PRPF6: variants seen among roughly 807,000 people sequenced by gnomAD.
The protein encoded by PRPF6 is pre-mRNA-processing factor 6.
Under a neutral mutation model 118.3 loss-of-function variants are expected in PRPF6, and 42 were observed. That is an observed-to-expected ratio of 0.35 (90% confidence interval 0.28 to 0.46). The LOEUF is 0.46. Among genes scored for constraint, PRPF6 ranks in the 20% least tolerant of loss-of-function variants. The pLI, the probability that PRPF6 is intolerant of heterozygous loss-of-function variation, is 1.00. For synonymous variants in PRPF6, 481 were observed against 485.1 expected, an observed-to-expected ratio of 0.99 and a Z score of 0.11; for missense variants, 662 against 1,255.7, an observed-to-expected ratio of 0.53 and a Z score of 7.15.
At chr20:64,008,787 G>A (rs996939061) in intron 9 of PRPF6, among the ~76,000 whole-genome samples, 1 of 152,154 alleles carries the variant, frequency 6.6e-6, no homozygotes, top group Non-Finnish European at 1.5e-5. Flanking sequence ...TTCTCCAAAG[G>A]TGACTAATGG....
chr20:64,011,248 AGTGTCCTCTCCTTTTTCTC>A lies in PRPF6; in HGVS notation c.1306-25_1306-7del, dbSNP rs2059215836. 1.2e-6 allele frequency: 2 copies of A among 1,601,414 alleles called. No individual in the cohort carries two copies. The highest frequency in any genetic ancestry group is 1.3e-5 in the African/African-American group (1 of 74,750). On this transcript the variant is annotated intron_variant, in intron 10 of 20. Transcript: ENST00000266079. The surrounding 1 kb of genome is among the most constrained non-coding windows in gnomAD (Gnocchi z 6.7). ...TGGCCTGCAGCTGTCCCCCCAGCACAGTGTCCTCTCCTTTTTCTCGTGTCCTCTCCGCGTAGCTCTGGCT... is the reference window on the plus strand; with the variant it reads ...TGGCCTGCAGCTGTCCCCCCAGCACAGTGTCCTCTCCGCGTAGCTCTGGCT...
chr20:63,993,175 C>T (rs565275051), intron 3 of PRPF6, among the ~76,000 whole-genome samples: 3 of 149,958 alleles, frequency 2.0e-5, no homozygotes, highest in South Asian at 2.1e-4. Flanking sequence ...GAGATTGCGC[C>T]ACTGCACTTT....
In PRPF6 at chr20:64,026,786, C is replaced by T. The variant is rs894731355; in HGVS notation, c.2029-196C>T. 1.3e-5 allele frequency among the ~76,000 whole-genome samples: 2 copies of T among 150,564 alleles called. No individual in the cohort carries two copies. The highest frequency in any genetic ancestry group is 2.9e-5 in the Non-Finnish European group (2 of 67,856). On this transcript the variant is annotated intron_variant, in intron 15 of 20. Coordinates refer to ENST00000266079, the MANE Select transcript of PRPF6 (RefSeq NM_012469.4). The surrounding 1 kb of genome is among the most constrained non-coding windows in gnomAD (Gnocchi z 4.4). ...CTGCACTCCAGCCTGGGTGACAGAG[C>T]GAGACTCTATCTCAAAAAAAAACAA...
chr20:63,988,319 CA>C lies in PRPF6; in HGVS notation c.359+3308del, dbSNP rs544577872. ...TGAGTGACGGGGCAAGACTCTGTCT[CA>C]AAAAAAAAAAAAACCAAAAAACAAA... On this transcript the variant is annotated intron_variant, in intron 3 of 20. Coordinates refer to ENST00000266079, the MANE Select transcript of PRPF6 (RefSeq NM_012469.4). Among the ~76,000 whole-genome samples the C allele has an allele frequency of 3.2e-3, 364 of 114,090 alleles. 10 individuals are homozygous for C. In the South Asian group the frequency reaches 0.066, roughly 21 times the overall value. The allele number at this position is 114,090 out of a possible 152,430, so 74.8% of individuals were successfully genotyped here.
At position 64,031,632 on chromosome 20, in the gene PRPF6, C is replaced by T. The variant is rs371604357; in HGVS notation, c.2547-286C>T. ...AGCTTGCAGTGAGTCGAGATCGCGC[C>T]ACTGCACTCCAGCCTGGGCGACAGA... On this transcript the variant is annotated intron_variant, in intron 19 of 20. Transcript: ENST00000266079. 3.1e-3 allele frequency among the ~76,000 whole-genome samples: 458 copies of T among 147,074 alleles called. 3 individuals carry two copies. Among genetic ancestry groups the T allele is most frequent in the African/African-American group, 0.011 (447 of 39,750 alleles).
chr20:64,026,225 G>A lies in PRPF6; in HGVS notation c.2028+167G>A, dbSNP rs544815820. 3.9e-5 allele frequency among the ~76,000 whole-genome samples: 6 copies of A among 152,220 alleles called. No individual in the cohort carries two copies. The highest frequency in any genetic ancestry group is 8.8e-5 in the Non-Finnish European group (6 of 67,928). The stretch of plus-strand genomic sequence containing the variant: ...AAACATTCATGTGGCCGGGCGTGGT[G>A]GCCGGGCGCGGTGGCTCACGCCTGT... On this transcript the variant is annotated intron_variant, in intron 15 of 20. Coordinates refer to ENST00000266079, the MANE Select transcript of PRPF6 (RefSeq NM_012469.4). This position sits in a 1 kb window ranked among gnomAD's most constrained non-coding sequence, Gnocchi z 4.4.
Position 63,999,549 on chromosome 20 carries a change from C to G in PRPF6, c.867-54C>G. 6.2e-6 allele frequency: 10 copies of G among 1,607,310 alleles called. No homozygotes were observed. The South Asian group carries it at 8.8e-5, about 14-fold the overall frequency. On this transcript the variant is annotated intron_variant, in intron 7 of 20. Coordinates refer to ENST00000266079, the MANE Select transcript of PRPF6 (RefSeq NM_012469.4). ...AAGTGGGTGCCCTCATCCCAGGTCT[C>G]GGGTGCACCCCTGACAGCATGGCCT...
chr20:64,020,440 G>T (rs932798507), intron 12 of PRPF6, among the ~76,000 whole-genome samples: 1 of 152,126 alleles, frequency 6.6e-6, no homozygotes, highest in African/African-American at 2.4e-5. Flanking sequence ...TTCAGCATCT[G>T]CAGGGCGCAG....
At chr20:63,988,760 T>C (rs1250252999) in intron 3 of PRPF6, among the ~76,000 whole-genome samples, 1 of 151,636 alleles carries the variant, frequency 6.6e-6, no homozygotes, top group African/African-American at 2.4e-5. Flanking sequence ...TCCCAGCTAC[T>C]TGGGAGGCTG....
At chr20:63,997,430 AC>A (rs2059145509) in intron 6 of PRPF6, among the ~76,000 whole-genome samples, 1 of 150,090 alleles carries the variant, frequency 6.7e-6, no homozygotes, top group Non-Finnish European at 1.5e-5. Context: ...AGCTGGGACT[AC>A]AGGTGTGCAC....
At chr20:63,990,524 G>A (rs1005685824) in intron 3 of PRPF6, among the ~76,000 whole-genome samples, 3 of 149,702 alleles carry the variant, frequency 2.0e-5, no homozygotes, top group South Asian at 2.1e-4. Context: ...AGGGTGGAGC[G>A]CGGTGGCTTG....
At chr20:63,988,441 G>A (rs1407843541) in intron 3 of PRPF6, among the ~76,000 whole-genome samples, 2 of 151,770 alleles carry the variant, frequency 1.3e-5, no homozygotes, top group Non-Finnish European at 2.9e-5. Context: ...AGGTTGCAGT[G>A]AGCTGAGATT....
chr20:64,019,670 G>C (rs2059254292), intron 12 of PRPF6, among the ~76,000 whole-genome samples: 1 of 152,236 alleles, frequency 6.6e-6, no homozygotes, highest in Non-Finnish European at 1.5e-5. Flanking sequence ...AAATCACAGA[G>C]AGGGGCATAG....
chr20:63,996,926 CAATA>C (rs1182003859), intron 6 of PRPF6, among the ~76,000 whole-genome samples: 4 of 152,034 alleles, frequency 2.6e-5, no homozygotes, highest in East Asian at 3.9e-4. Flanking sequence ...GAGACTGTCT[CAATA>C]AATAAATAAA....
At chr20:64,004,990 G>T (rs993979595) in intron 9 of PRPF6, among the ~76,000 whole-genome samples, 1 of 152,182 alleles carries the variant, frequency 6.6e-6, no homozygotes, top group Admixed American at 6.5e-5. Flanking sequence ...CTGCAGTCAC[G>T]TGACCCCCGG....
At chr20:63,997,702 G>A (rs912396006) in intron 6 of PRPF6, among the ~76,000 whole-genome samples, 4 of 151,958 alleles carry the variant, frequency 2.6e-5, no homozygotes, top group African/African-American at 9.7e-5. Flanking sequence ...TGATCCACTC[G>A]CCTCAGCCTC....
chr20:63,993,262 G>A (rs200681067), intron 3 of PRPF6, 145 bp from the exon 4 acceptor site: 51 of 266,014 alleles, frequency 1.9e-4, no homozygotes, highest in East Asian at 9.0e-4. Flanking sequence ...GTGTGTGTGT[G>A]TATATGTATA....
intron 9 of PRPF6, among the ~76,000 whole-genome samples, chr20:64,002,013 G>GTTTTT (rs2059168567): frequency 1.5e-5 from 1 of 65,244 alleles, no homozygotes; most frequent in Non-Finnish European, 3.2e-5. Flanking sequence ...TTTTTTTTCT[G>GTTTTT]GTTTTTTTTT....
Position 63,995,011 on chromosome 20 carries a change from G to A in PRPF6, c.534G>A (p.Lys178=). The A allele has an allele frequency of 6.2e-7, 1 of 1,614,220 alleles. No homozygotes were observed. The highest frequency in any genetic ancestry group is 8.5e-7 in the Non-Finnish European group (1 of 1,180,044). ...GTCAGCGGAACCCACGCTATGAGAAGCTGACCCCTGTTCCTGACAGTTTCT... is the reference window on the plus strand; with the variant it reads ...GTCAGCGGAACCCACGCTATGAGAAACTGACCCCTGTTCCTGACAGTTTCT... ...NKRQRNPRYE[K]LTPVPDSFFA... is the part of the protein sequence containing the mutation. Residue 178 remains lysine (K), a synonymous_variant, in exon 5 of 21, where the codon AAG becomes AAA. Coordinates refer to ENST00000266079, the MANE Select transcript of PRPF6 (RefSeq NM_012469.4).
Sources: gnomAD v4.1 joint callset for allele counts (sites outside exome capture counted in the v4.1 genomes callset) on GRCh38, gnomAD v4.1.1 for gene constraint, Gnocchi (gnomAD v3.1) non-coding constraint, MANE v1.5 for transcripts, NCBI Gene and HGNC (gene_info 2026-07-23, HGNC 2026-07-21) for gene names.